Variants in GRIK2 observed in about 807,000 individuals in gnomAD.
GRIK2 encodes glutamate receptor ionotropic, kainate 2.
In GRIK2, 32 loss-of-function variants were observed where a neutral mutation model predicts 100.3. That is an observed-to-expected ratio of 0.32 (90% CI 0.24 to 0.43). GRIK2 has a LOEUF of 0.43. Among genes scored for constraint, GRIK2 ranks in the 20% least tolerant of loss-of-function variants. The pLI is 1.00. For synonymous variants in GRIK2, 417 were observed against 389.4 expected (o/e 1.07, Z -0.83); for missense variants, 843 against 1,114.9 (o/e 0.76, Z 3.47).
intron 2 of GRIK2, among the ~76,000 whole-genome samples, chr6:101,533,706 A>G (rs1385886264): frequency 6.6e-6 from 1 of 151,958 alleles, no homozygotes; most frequent in African/African-American, 2.4e-5. Context: ...GTGCAGAGAC[A>G]ATGTGAATCG....
chr6:101,555,866 G>A (rs1371783787), intron 2 of GRIK2, among the ~76,000 whole-genome samples: 2 of 151,780 alleles, frequency 1.3e-5, no homozygotes, highest in Non-Finnish European at 2.9e-5. Context: ...CTTATGATGG[G>A]GTAATAAATT....
intron 14 of GRIK2, among the ~76,000 whole-genome samples, chr6:102,034,472 G>T (rs1475959723): frequency 2.6e-5 from 4 of 151,320 alleles, no homozygotes; most frequent in Non-Finnish European, 1.5e-5. Flanking sequence ...ATTATTTTTG[G>T]TATTTGTATA....
rs370241149 is a variant in GRIK2 at position 101,909,371 on chromosome 6, G to GTTTT, written c.1749-15229_1749-15226dup. ...TTTTTGGATGCTGAAGGAAGATAGG[G>GTTTT]TTTTCTTTTTCTTTTTTTTTTTTTT... On this transcript the variant is annotated intron_variant, in intron 12 of 16. Transcript: ENST00000369134. Among the ~76,000 whole-genome samples, 27 of 83,534 alleles carry GTTTT rather than the reference G, an allele frequency of 3.2e-4. 2 individuals carry two copies. Among genetic ancestry groups the GTTTT allele is most frequent in the South Asian group, 1.3e-3 (3 of 2,322 alleles). The allele number at this position is 83,534 out of a possible 152,430, so 54.8% of individuals were successfully genotyped here.
At chr6:101,432,296 G>A (rs1769453347) in intron 2 of GRIK2, among the ~76,000 whole-genome samples, 1 of 152,092 alleles carries the variant, frequency 6.6e-6, no homozygotes, top group Admixed American at 6.5e-5. Context: ...GTAACCTTAT[G>A]CTGTCTCTGA....
chr6:101,401,092 G>A (rs1455174003), intron 2 of GRIK2, among the ~76,000 whole-genome samples: 1 of 152,192 alleles, frequency 6.6e-6, no homozygotes, highest in Non-Finnish European at 1.5e-5. Context: ...AATATTTCGA[G>A]TATTTCATCC....
chr6:101,860,157 A>C (rs1288101117), intron 11 of GRIK2, among the ~76,000 whole-genome samples: 1 of 152,142 alleles, frequency 6.6e-6, no homozygotes, highest in Non-Finnish European at 1.5e-5. Context: ...TTGGTGGTAC[A>C]ATATGAAGAT....
In GRIK2 at chr6:101,622,170, T is replaced by C. The variant is rs528286323; in HGVS notation, c.283+54T>C. 2.9e-5 allele frequency: 31 copies of C among 1,063,094 alleles called. No homozygotes were observed. The African/African-American group carries it at 4.4e-4, about 15-fold the overall frequency. The allele number at this position is 1,063,094 out of a possible 1,614,324, so 65.9% of individuals were successfully genotyped here. A position where few individuals can be genotyped will look rare whatever the true frequency, so the allele number is the denominator to read the frequency against. ...TTCCTGGAATTCAAATTTCTAGGTA[T>C]TCTTAAGAGATTTTTTTATTTTTCA... On this transcript the variant is annotated intron_variant, in intron 3 of 16. Transcript: ENST00000369134.
At chr6:101,908,630 T>C (rs1409042203) in intron 12 of GRIK2, among the ~76,000 whole-genome samples, 2 of 151,302 alleles carry the variant, frequency 1.3e-5, no homozygotes, top group African/African-American at 4.8e-5. Context: ...AAATAGTAAA[T>C]AATTATATAA....
chr6:101,568,793 A>G (rs148334942), intron 2 of GRIK2, among the ~76,000 whole-genome samples: 1 of 152,170 alleles, frequency 6.6e-6, no homozygotes, highest in African/African-American at 2.4e-5. Context: ...ATTATTTTAA[A>G]ACTTTTTGGT....
At chr6:101,454,976 TA>T (rs1303486066) in intron 2 of GRIK2, among the ~76,000 whole-genome samples, 2 of 152,146 alleles carry the variant, frequency 1.3e-5, no homozygotes, top group Middle Eastern at 3.2e-3. Context: ...TTTAATGTTT[TA>T]AAAAACATAA....
At chr6:101,588,688 A>C (rs1313009587) in intron 2 of GRIK2, among the ~76,000 whole-genome samples, 4 of 86,876 alleles carry the variant, frequency 4.6e-5, no homozygotes, top group African/African-American at 1.0e-4. Flanking sequence ...ACACACAGAA[A>C]AGAAAGAAAG....
At chr6:101,849,891 T>C (rs1784036989) in intron 10 of GRIK2, among the ~76,000 whole-genome samples, 1 of 148,448 alleles carries the variant, frequency 6.7e-6, no homozygotes, top group Non-Finnish European at 1.5e-5. Context: ...AGGTAATATT[T>C]TCTAAATGCA....
At chr6:101,707,570 ATGTGTATG>A (rs1562324590) in intron 7 of GRIK2, among the ~76,000 whole-genome samples, 22 of 72,384 alleles carry the variant, frequency 3.0e-4, no homozygotes, top group African/African-American at 1.3e-3. Flanking sequence ...ATATGTATAT[ATGTGTATG>A]TGTGTGTGTG....
intron 2 of GRIK2, among the ~76,000 whole-genome samples, chr6:101,526,886 C>G (rs1027201313): frequency 1.3e-5 from 2 of 152,140 alleles, no homozygotes; most frequent in Non-Finnish European, 2.9e-5. Flanking sequence ...CACCATGGGT[C>G]CTGTAGAAAG....
In GRIK2 at chr6:101,566,122, CAG is replaced by C. The variant is rs987967458; in HGVS notation, c.116-55826_116-55825del. Reference sequence around the variant, plus strand: ...AGAGGAGGGGTTGGTCTTGCTGTCTCAGGGGTGACAGAGGTGAAAGAAAGTCT... The same window carrying C: ...AGAGGAGGGGTTGGTCTTGCTGTCTCGGGTGACAGAGGTGAAAGAAAGTCT... On this transcript the variant is annotated intron_variant, in intron 2 of 16. Transcript: ENST00000369134. 7.3e-5 allele frequency among the ~76,000 whole-genome samples: 11 copies of C among 151,452 alleles called. 1 individual carries two copies. The South Asian group carries it at 8.4e-4, about 12-fold the overall frequency.
chr6:101,692,417 A>G (rs1379936710), intron 7 of GRIK2, among the ~76,000 whole-genome samples: 1 of 152,148 alleles, frequency 6.6e-6, no homozygotes, highest in African/African-American at 2.4e-5. Context: ...TGCAGCACAC[A>G]GGATTTGATA....
At chr6:101,623,569 G>T (rs1379308334) in intron 3 of GRIK2, among the ~76,000 whole-genome samples, 1 of 152,064 alleles carries the variant, frequency 6.6e-6, no homozygotes, top group Non-Finnish European at 1.5e-5. Context: ...AATATTAGTA[G>T]ATTTCTTAAT....
At chr6:101,669,974 A>T (rs1420382003) in intron 4 of GRIK2, among the ~76,000 whole-genome samples, 3 of 152,156 alleles carry the variant, frequency 2.0e-5, no homozygotes, top group Non-Finnish European at 4.4e-5. Flanking sequence ...AGAAGATTCT[A>T]AGCAACTCCT....
At chr6:101,643,857 T>C (rs1781398163) in intron 4 of GRIK2, among the ~76,000 whole-genome samples, 1 of 151,772 alleles carries the variant, frequency 6.6e-6, no homozygotes, top group Non-Finnish European at 1.5e-5. Context: ...TGAGTTATAC[T>C]AAAATATACT....
Sources: gnomAD v4.1 joint callset for allele counts (sites outside exome capture counted in the v4.1 genomes callset) on GRCh38, gnomAD v4.1.1 for gene constraint, MANE v1.5 for transcripts, NCBI Gene and HGNC (gene_info 2026-07-23, HGNC 2026-07-21) for gene names.